NKAIN2: variants seen among roughly 807,000 people sequenced by gnomAD.
The protein encoded by NKAIN2 is sodium/potassium-transporting ATPase subunit beta-1-interacting protein 2.
In NKAIN2, 14 loss-of-function variants were observed where a neutral mutation model predicts 32.6. The observed-to-expected ratio is 0.43, with a 90% CI of 0.28 to 0.67. NKAIN2 has a LOEUF of 0.67. Among genes scored for constraint, NKAIN2 ranks in the 30% least tolerant of loss-of-function variants. The pLI is 0.17. For missense variants in NKAIN2, 198 were observed against 258.3 expected (o/e 0.77, Z 1.60); for synonymous variants, 80 against 87.2 (o/e 0.92, Z 0.46).
At chr6:124,547,231 A>ATTTCTAATCATTTCT (rs2114858214) in intron 3 of NKAIN2, among the ~76,000 whole-genome samples, 1 of 152,344 alleles carries the variant, frequency 6.6e-6, no homozygotes, top group African/African-American at 2.4e-5. Context: ...AAATGTCTAA[A>ATTTCTAATCATTTCT]ATGCATTTGC....
chr6:124,294,512 A>T (rs189446025), intron 2 of NKAIN2, among the ~76,000 whole-genome samples: 7 of 152,342 alleles, frequency 4.6e-5, no homozygotes, highest in Middle Eastern at 3.4e-3. Flanking sequence ...CCACACCAGC[A>T]AAACTGACAC....
At chr6:124,004,943 G>A (rs1444941769) in intron 1 of NKAIN2, among the ~76,000 whole-genome samples, 1 of 151,388 alleles carries the variant, frequency 6.6e-6, no homozygotes, top group Non-Finnish European at 1.5e-5. Context: ...AGGAAAACCT[G>A]GCTGGGTGCA....
At chr6:124,237,594 G>A (rs1032421099) in intron 1 of NKAIN2, among the ~76,000 whole-genome samples, 11 of 152,138 alleles carry the variant, frequency 7.2e-5, no homozygotes, top group African/African-American at 2.2e-4. Context: ...GTATTTGTGT[G>A]TTGGTATGTG....
At chr6:124,152,679 G>A (rs533185733) in intron 1 of NKAIN2, among the ~76,000 whole-genome samples, 6 of 152,048 alleles carry the variant, frequency 3.9e-5, no homozygotes, top group South Asian at 2.1e-4. Flanking sequence ...CCACAAGAAC[G>A]AAAATCAATA....
intron 1 of NKAIN2, among the ~76,000 whole-genome samples, chr6:123,910,445 A>G (rs1220583889): frequency 2.0e-5 from 3 of 148,376 alleles, no homozygotes; most frequent in African/African-American, 5.0e-5. Context: ...TAGATATCTT[A>G]TGCATTTGTT....
chr6:124,520,249 C>T (rs1254689440), intron 3 of NKAIN2, among the ~76,000 whole-genome samples: 1 of 151,854 alleles, frequency 6.6e-6, no homozygotes, highest in Non-Finnish European at 1.5e-5. Flanking sequence ...CAAGCTAAAC[C>T]CCTTCTTACT....
At chr6:123,984,091 G>C (rs1208144968) in intron 1 of NKAIN2, among the ~76,000 whole-genome samples, 2 of 152,000 alleles carry the variant, frequency 1.3e-5, no homozygotes, top group Non-Finnish European at 2.9e-5. Context: ...ATTTTTAGTA[G>C]AGACAGAGTT....
intron 4 of NKAIN2, among the ~76,000 whole-genome samples, chr6:124,723,153 A>T (rs925045642): frequency 7.9e-5 from 12 of 152,362 alleles, no homozygotes; most frequent in Non-Finnish European, 1.5e-4. Flanking sequence ...TACCATATAG[A>T]ACAGAATAGT....
At chr6:124,487,715 G>C (rs1351142969) in intron 3 of NKAIN2, among the ~76,000 whole-genome samples, 1 of 151,932 alleles carries the variant, frequency 6.6e-6, no homozygotes, top group Non-Finnish European at 1.5e-5. Context: ...TTCCTGTTTA[G>C]AAGCAAATGA....
intron 2 of NKAIN2, among the ~76,000 whole-genome samples, chr6:124,330,082 G>A (rs1562493521): frequency 6.6e-6 from 1 of 152,166 alleles, no homozygotes; most frequent in African/African-American, 2.4e-5. Context: ...TCTGTTGCTG[G>A]CAGATTAGTT....
intron 1 of NKAIN2, among the ~76,000 whole-genome samples, chr6:124,006,814 A>G (rs76878739): frequency 1.3e-5 from 2 of 152,328 alleles, no homozygotes; most frequent in Non-Finnish European, 2.9e-5. Context: ...TGGCTCCCTG[A>G]AAGAAGAAAG....
chr6:124,801,490 G>T (rs1430322368), intron 5 of NKAIN2, among the ~76,000 whole-genome samples: 2 of 152,170 alleles, frequency 1.3e-5, no homozygotes, highest in Non-Finnish European at 2.9e-5. Flanking sequence ...TCGCTGTCAA[G>T]ATTCGAAGTA....
At chr6:123,950,600 T>C (rs1777280751) in intron 1 of NKAIN2, among the ~76,000 whole-genome samples, 1 of 74,184 alleles carries the variant, frequency 1.3e-5, no homozygotes, top group Admixed American at 1.3e-4. Flanking sequence ...TTGTTTATAA[T>C]AGTCTCGATG....
intron 3 of NKAIN2, among the ~76,000 whole-genome samples, chr6:124,576,304 G>A (rs1334423337): frequency 6.6e-6 from 1 of 151,966 alleles, no homozygotes; most frequent in African/African-American, 2.4e-5. Context: ...AAGAACAACT[G>A]TCAGATAAAC....
intron 1 of NKAIN2, among the ~76,000 whole-genome samples, chr6:123,966,866 C>T (rs1778103622): frequency 6.6e-6 from 1 of 152,188 alleles, no homozygotes; most frequent in African/African-American, 2.4e-5. Context: ...CTGAAAATCA[C>T]AGACATGGTT....
chr6:123,866,190 C>T (rs1772500542), intron 1 of NKAIN2, among the ~76,000 whole-genome samples: 1 of 152,164 alleles, frequency 6.6e-6, no homozygotes, highest in Admixed American at 6.5e-5. Flanking sequence ...TCCCCTGTAC[C>T]TTTAACATCT....
chr6:123,807,264 CA>C (rs1243558748), intron 1 of NKAIN2, among the ~76,000 whole-genome samples: 1 of 151,978 alleles, frequency 6.6e-6, no homozygotes, highest in African/African-American at 2.4e-5. Flanking sequence ...CCATATATAT[CA>C]TAAATTAAAA....
intron 3 of NKAIN2, among the ~76,000 whole-genome samples, chr6:124,471,245 A>T (rs1436238069): frequency 1.3e-5 from 2 of 152,174 alleles, no homozygotes; most frequent in East Asian, 3.9e-4. Context: ...TTGGAATTTG[A>T]TCTTTTGTAT....
At chr6:124,625,724 A>G (rs995790070) in intron 3 of NKAIN2, among the ~76,000 whole-genome samples, 1 of 151,452 alleles carries the variant, frequency 6.6e-6, no homozygotes, top group Admixed American at 6.6e-5. Flanking sequence ...TTATTTATTT[A>G]TTTATTTTTT....
Sources: gnomAD v4.1 joint callset for allele counts (sites outside exome capture counted in the v4.1 genomes callset) on GRCh38, gnomAD v4.1.1 for gene constraint, MANE v1.5 for transcripts, NCBI Gene and HGNC (gene_info 2026-07-23, HGNC 2026-07-21) for gene names.